YTHDF3: variants seen among roughly 807,000 people sequenced by gnomAD.
The protein encoded by YTHDF3 is YTH domain-containing family protein 3.
In YTHDF3, 9 loss-of-function variants were observed where a neutral mutation model predicts 52.5. That is an observed-to-expected ratio of 0.17 (90% CI 0.10 to 0.30). The LOEUF is 0.30. Among genes scored for constraint, YTHDF3 ranks in the 10% least tolerant of loss-of-function variants. The pLI is 1.00. For missense variants in YTHDF3, 534 were observed against 715.0 expected, an observed-to-expected ratio of 0.75 and a Z score of 2.89; for synonymous variants, 274 against 243.3, an observed-to-expected ratio of 1.13 and a Z score of -1.18.
chr8:63,191,855 T>C (rs1808932804), intron 4 of YTHDF3, among the ~76,000 whole-genome samples: 1 of 152,216 alleles, frequency 6.6e-6, no homozygotes, highest in South Asian at 2.1e-4. Flanking sequence ...TATTACTAGG[T>C]AGTTTTCTAT....
intron 2 of YTHDF3, among the ~76,000 whole-genome samples, chr8:63,174,619 A>C (rs752674637): frequency 1.5e-4 from 23 of 152,178 alleles, no homozygotes; most frequent in Non-Finnish European, 2.9e-4. Flanking sequence ...GTGTTTATGG[A>C]GATGACCTTT....
chr8:63,196,910 G>T (rs548997022), intron 4 of YTHDF3, among the ~76,000 whole-genome samples: 1 of 152,122 alleles, frequency 6.6e-6, no homozygotes, highest in African/African-American at 2.4e-5. Flanking sequence ...ACAACAACCC[G>T]TAGCACCTGG....
intron 4 of YTHDF3, among the ~76,000 whole-genome samples, chr8:63,193,385 A>AG (rs1244763810): frequency 1.3e-5 from 2 of 151,330 alleles, no homozygotes; most frequent in East Asian, 3.9e-4. Context: ...AAAAAAAAAA[A>AG]AAAAAAAAAA....
chr8:63,171,353 T>C (rs965870503), intron 2 of YTHDF3, among the ~76,000 whole-genome samples: 2 of 152,212 alleles, frequency 1.3e-5, no homozygotes, highest in African/African-American at 4.8e-5. Context: ...AGTAGTTCAC[T>C]GCTCTAGTAG....
At chr8:63,209,057 G>A (rs1810215919) in intron 4 of YTHDF3, among the ~76,000 whole-genome samples, 3 of 150,800 alleles carry the variant, frequency 2.0e-5, no homozygotes, top group Non-Finnish European at 2.9e-5. Context: ...TAGTAGAGAC[G>A]GGGTTTCATC....
chr8:63,185,906 A>G (rs368080550), intron 3 of YTHDF3, among the ~76,000 whole-genome samples: 9 of 152,074 alleles, frequency 5.9e-5, no homozygotes, highest in African/African-American at 2.2e-4. Flanking sequence ...TTATACCCCC[A>G]CTCTCATCCC....
rs559000963 is a variant in YTHDF3, at chr8:63,171,304, A to G, written c.49+1893A>G. Among the ~76,000 whole-genome samples the G allele has an allele frequency of 1.6e-3, 245 of 152,288 alleles. 1 individual carries two copies. The highest frequency in any genetic ancestry group is 2.5e-3 in the Non-Finnish European group (171 of 68,002). On this transcript the variant is annotated intron_variant, in intron 2 of 4. Transcript: ENST00000539294. ...AAAAATAACTCTAGTCATAATTCCC[A>G]TAATTCCTATAGTATGTTGTTAGGA...
At chr8:63,204,441 A>C (rs1809856913) in intron 4 of YTHDF3, among the ~76,000 whole-genome samples, 1 of 142,248 alleles carries the variant, frequency 7.0e-6, no homozygotes, top group Non-Finnish European at 1.5e-5. Context: ...GGGTCACCGC[A>C]CCCTCCACCT....
At chr8:63,178,732 T>A (rs1807867680) in intron 3 of YTHDF3, among the ~76,000 whole-genome samples, 1 of 152,222 alleles carries the variant, frequency 6.6e-6, no homozygotes, top group Non-Finnish European at 1.5e-5. Context: ...TGTTGAAAAC[T>A]GGGTTTATTG....
intron 4 of YTHDF3, among the ~76,000 whole-genome samples, chr8:63,199,325 A>T (rs1221980818): frequency 1.3e-5 from 2 of 152,172 alleles, no homozygotes. Flanking sequence ...GCAAATACCA[A>T]AATCTGCACA....
In YTHDF3 at chr8:63,184,043, CTG is replaced by C. The variant is rs561454360; in HGVS notation, c.136-2100_136-2099del. ...GTTTAGGGAATAATGACAAAAAAAACTGTGTACATGTTCAATACAGATGCAAC... is the reference window on the plus strand; with the variant it reads ...GTTTAGGGAATAATGACAAAAAAAACTGTACATGTTCAATACAGATGCAAC... On this transcript the variant is annotated intron_variant, in intron 3 of 4. Coordinates refer to ENST00000539294, the MANE Select transcript of YTHDF3 (RefSeq NM_152758.6). 1.5e-4 allele frequency among the ~76,000 whole-genome samples: 23 copies of C among 152,234 alleles called. 1 individual carries two copies. The South Asian group carries it at 4.1e-3, about 27-fold the overall frequency.
At chr8:63,198,337 G>A (rs1217870318) in intron 4 of YTHDF3, among the ~76,000 whole-genome samples, 5 of 151,942 alleles carry the variant, frequency 3.3e-5, no homozygotes, top group African/African-American at 1.2e-4. Context: ...CACAATCTGG[G>A]CTCACTGCAG....
chr8:63,194,920 A>C (rs368597796), intron 4 of YTHDF3, among the ~76,000 whole-genome samples: 1 of 152,124 alleles, frequency 6.6e-6, no homozygotes, highest in Non-Finnish European at 1.5e-5. Context: ...TCCTATGTTC[A>C]TGTTTTTCTT....
intron 3 of YTHDF3, among the ~76,000 whole-genome samples, chr8:63,176,743 T>C (rs1284146478): frequency 6.6e-6 from 1 of 152,054 alleles, no homozygotes; most frequent in East Asian, 1.9e-4. Flanking sequence ...AGTGGCGCAA[T>C]CTTGGCTCAC....
chr8:63,192,644 C>G (rs989232657), intron 4 of YTHDF3, among the ~76,000 whole-genome samples: 6 of 152,122 alleles, frequency 3.9e-5, no homozygotes, highest in Non-Finnish European at 5.9e-5. Context: ...TGTTGATTTT[C>G]TCTTTGATAT....
At chr8:63,184,641 G>C (rs1222426228) in intron 3 of YTHDF3, among the ~76,000 whole-genome samples, 1 of 152,196 alleles carries the variant, frequency 6.6e-6, no homozygotes, top group African/African-American at 2.4e-5. Context: ...ACACATTCAT[G>C]AGTGGAAAAG....
chr8:63,207,727 A>G (rs1388973807), intron 4 of YTHDF3, among the ~76,000 whole-genome samples: 2 of 152,162 alleles, frequency 1.3e-5, no homozygotes, highest in Non-Finnish European at 2.9e-5. Flanking sequence ...CTTACCCTTA[A>G]GAAGAGTTGC....
chr8:63,173,483 T>C (rs918711185), intron 2 of YTHDF3, among the ~76,000 whole-genome samples: 5 of 152,032 alleles, frequency 3.3e-5, no homozygotes, highest in African/African-American at 4.8e-5. Flanking sequence ...CTGGCACTTT[T>C]TGTATTTGTA....
chr8:63,182,044 G>A (rs1808174406), intron 3 of YTHDF3, among the ~76,000 whole-genome samples: 1 of 151,900 alleles, frequency 6.6e-6, no homozygotes, highest in Non-Finnish European at 1.5e-5. Flanking sequence ...GGAGTTTGAA[G>A]CACTTCAATT....
Sources: gnomAD v4.1 joint callset for allele counts (sites outside exome capture counted in the v4.1 genomes callset) on GRCh38, gnomAD v4.1.1 for gene constraint, MANE v1.5 for transcripts, NCBI Gene and HGNC (gene_info 2026-07-23, HGNC 2026-07-21) for gene names.